The following CDKL5 variants were observed in gnomAD, a reference collection of about 807,000 sequenced individuals.
CDKL5 encodes the protein cyclin-dependent kinase-like 5.
CDKL5 carries 8 observed loss-of-function variants against 61.7 expected under a neutral mutation model. That is an observed-to-expected ratio of 0.13 (90% confidence interval 0.08 to 0.23). The LOEUF (loss-of-function observed/expected upper bound fraction) is 0.23. Among genes scored for constraint, CDKL5 ranks in the 10% least tolerant of loss-of-function variants. The probability of loss-of-function intolerance (pLI) is 1.00; values close to 1 mark genes in which losing one functional copy is unlikely to be tolerated. For synonymous variants in CDKL5, 275 were observed against 272.3 expected (o/e 1.01, Z -0.10); for missense variants, 440 against 734.5 (o/e 0.60, Z 4.63).
chrX:18,566,827 C>T (rs750569218), intron 4 of CDKL5, among the ~76,000 whole-genome samples: 8 of 111,187 alleles, frequency 7.2e-5, no homozygotes, highest in Non-Finnish European at 1.1e-4. Flanking sequence ...TTTGATCTGC[C>T]CTTATTTTAT....
intron 1 of CDKL5, among the ~76,000 whole-genome samples, chrX:18,462,975 G>C (rs1308501494): frequency 9.0e-6 from 1 of 110,989 alleles, no homozygotes; most frequent in Non-Finnish European, 1.9e-5. Context: ...AGTGAGCCAA[G>C]ATTGCGCCAC....
At position 18,630,030 on chromosome X, in the gene CDKL5, G is replaced by T. The variant is rs1927189741; in HGVS notation, c.*1273G>T. ...GGCTGATGGGGTGTGAGATATATGT[G>T]TGGCATTTCTATTTCTGAATGCCTT... On this transcript the variant is annotated 3_prime_UTR_variant, in exon 18 of 18. Coordinates refer to ENST00000623535, the MANE Select transcript of CDKL5 (RefSeq NM_001323289.2). 1.3e-6 allele frequency: 1 copy of T among 751,758 alleles called. No homozygotes were observed. The allele number at this position is 751,758 out of a possible 1,213,427, so 62.0% of individuals were successfully genotyped here.
At chrX:18,653,418 T>C in intron 21 of CDKL5, 1 of 1,210,023 alleles carries the variant, frequency 8.3e-7, no homozygotes, top group Non-Finnish European at 1.1e-6. Flanking sequence ...CCGCTGTCCT[T>C]CTGTGCTTTC....
chrX:18,559,737 C>T (rs1924729802), intron 3 of CDKL5, among the ~76,000 whole-genome samples: 1 of 103,579 alleles, frequency 9.7e-6, no homozygotes, highest in Non-Finnish European at 2.0e-5. Context: ...CGCCCATTAA[C>T]TCGTCATTTA....
In CDKL5 at chrX:18,604,688, T is replaced by G; in HGVS notation, c.1764T>G (p.Pro588=). 8.3e-7 allele frequency: 1 copy of G among 1,211,524 alleles called. No individual in the cohort carries two copies. ...GCCATTCCCATTCACTGTCTGCACC[T>G]CACGAATCTTTTTCTTATGGACTGG... ...DSSHSHSLSA[P]HESFSYGLGY... Residue 588 remains proline (P), a synonymous_variant, in exon 12 of 18, where the codon CCT becomes CCG. Coordinates refer to ENST00000623535, the MANE Select transcript of CDKL5 (RefSeq NM_001323289.2).
chrX:18,526,043 G>A (rs961164763), intron 3 of CDKL5, among the ~76,000 whole-genome samples: 1 of 112,010 alleles, frequency 8.9e-6, no homozygotes, highest in Non-Finnish European at 1.9e-5. Flanking sequence ...CACCGCACCC[G>A]GCCAACAATA....
chrX:18,631,051 T>A lies in CDKL5; in HGVS notation c.*2294T>A, dbSNP rs971537663. 1 of 749,277 alleles carries A rather than the reference T, an allele frequency of 1.3e-6. No individual in the cohort carries two copies. Among genetic ancestry groups the A allele is most frequent in the Non-Finnish European group, 1.6e-6 (1 of 638,434 alleles). The allele number at this position is 749,277 out of a possible 1,213,427, so 61.7% of individuals were successfully genotyped here. A position where few individuals can be genotyped will look rare whatever the true frequency, so the allele number is the denominator to read the frequency against. ...GCGCTTAGGAACTGCACGGTCCCGT[T>A]GCCATGCTGTGGCATTCGAGGCTCG... On this transcript the variant is annotated 3_prime_UTR_variant, in exon 18 of 18. Coordinates refer to ENST00000623535, the MANE Select transcript of CDKL5 (RefSeq NM_001323289.2).
At chrX:18,469,200 G>A (rs768802921) in intron 1 of CDKL5, among the ~76,000 whole-genome samples, 2 of 106,735 alleles carry the variant, frequency 1.9e-5, no homozygotes, top group African/African-American at 6.8e-5. Flanking sequence ...TTAGCCAGGC[G>A]TGGTGGCACA....
In CDKL5 at chrX:18,629,898, T is replaced by A; in HGVS notation, c.*1141T>A. On this transcript the variant is annotated 3_prime_UTR_variant, in exon 18 of 18. Transcript: ENST00000623535. ...ATTAGTGTAGAGCGTAGACCAAAGA[T>A]TTGCCAGTGAACATTCCTTGTTGTG... The A allele has an allele frequency of 4.0e-6, 3 of 753,651 alleles. No homozygotes were observed. The highest frequency in any genetic ancestry group is 4.7e-6 in the Non-Finnish European group (3 of 639,061). The allele number at this position is 753,651 out of a possible 1,213,427, so 62.1% of individuals were successfully genotyped here. A position where few individuals can be genotyped will look rare whatever the true frequency, so the allele number is the denominator to read the frequency against.
intron 21 of CDKL5, among the ~76,000 whole-genome samples, chrX:18,651,119 G>A (rs768874726): frequency 3.7e-4 from 19 of 51,754 alleles, no homozygotes; most frequent in East Asian, 1.5e-3. Context: ...TACCCTCCCC[G>A]TCCCCCCACC....
At chrX:18,497,120 G>A (rs1327069592) in intron 1 of CDKL5, among the ~76,000 whole-genome samples, 1 of 110,167 alleles carries the variant, frequency 9.1e-6, no homozygotes, top group Admixed American at 9.8e-5. Context: ...AGCCTCCCGA[G>A]TAGCTGGGAT....
chrX:18,645,629 G>A (rs746840906), intron 19 of CDKL5, among the ~76,000 whole-genome samples: 1 of 110,892 alleles, frequency 9.0e-6, no homozygotes, highest in African/African-American at 3.3e-5. Context: ...ACTCTAGCCC[G>A]TGTCCCCCTC....
At position 18,488,761 on chromosome X, in the gene CDKL5, G is replaced by C. The variant is rs146504094; in HGVS notation, c.-162-18174G>C. On this transcript the variant is annotated intron_variant, in intron 1 of 17. Transcript: ENST00000623535. ...AATGAAACCCTCCTCTCAGCCAAGG[G>C]CACTCTAACCTGAATGCTAGTTCAG... 6.5e-3 allele frequency among the ~76,000 whole-genome samples: 729 copies of C among 111,570 alleles called. 8 individuals carry two copies. The highest frequency in any genetic ancestry group is 0.022 in the African/African-American group (679 of 30,675).
chrX:18,546,427 A>G (rs1045748355), intron 3 of CDKL5, among the ~76,000 whole-genome samples: 2 of 108,940 alleles, frequency 1.8e-5, no homozygotes, highest in African/African-American at 6.7e-5. Context: ...ACACCTGGCT[A>G]ATTTTTGTAT....
intron 1 of CDKL5, among the ~76,000 whole-genome samples, chrX:18,456,685 T>G (rs950065321): frequency 1.8e-5 from 2 of 112,018 alleles, no homozygotes; most frequent in African/African-American, 6.5e-5. Context: ...TAGGATTTTT[T>G]GGCAGATATT....
At chrX:18,641,919 G>T, downstream of CDKL5, 1 of 1,026,355 alleles carries the variant, frequency 9.7e-7, no homozygotes, top group Non-Finnish European at 1.4e-6. Context: ...ATATAGCCCT[G>T]TCCATCTCGG....
intron 1 of CDKL5, among the ~76,000 whole-genome samples, chrX:18,477,979 C>A (rs1334049450): frequency 9.0e-6 from 1 of 111,294 alleles, no homozygotes; most frequent in Non-Finnish European, 1.9e-5. Flanking sequence ...TTGTTCCCAC[C>A]CACCTCCTTT....
chrX:18,459,465 G>A (rs1164455554), intron 1 of CDKL5, among the ~76,000 whole-genome samples: 1 of 109,265 alleles, frequency 9.2e-6, no homozygotes, highest in East Asian at 3.0e-4. Context: ...GGGAGGCTGA[G>A]GCAGGAGAAT....
intron 5 of CDKL5, 100 bp downstream of exon 5, chrX:18,575,590 C>A: frequency 1.3e-6 from 1 of 740,774 alleles, no homozygotes; most frequent in Non-Finnish European, 2.1e-6. Flanking sequence ...TATGGCTTAT[C>A]AATGTACTCA....
Sources: allele counts gnomAD v4.1 joint callset (sites outside exome capture counted in the v4.1 genomes callset), GRCh38; gene constraint gnomAD v4.1.1; transcripts MANE v1.5; gene names NCBI Gene and HGNC (gene_info 2026-07-23, HGNC 2026-07-21).